ARHGEF3: variants seen among roughly 807,000 people sequenced by gnomAD.
The protein encoded by ARHGEF3 is 59.8 kDA protein.
ARHGEF3 carries 28 observed loss-of-function variants against 63.2 expected under a neutral mutation model. The observed-to-expected ratio is 0.44, with a 90% CI of 0.33 to 0.61. The LOEUF is 0.61. Ranked by LOEUF, ARHGEF3 falls within the 20% of genes least tolerant of loss-of-function variation. The pLI, the probability that ARHGEF3 is intolerant of heterozygous loss-of-function variation, is 0.03. For missense variants in ARHGEF3, 533 were observed against 659.3 expected (o/e 0.81, Z 2.10); for synonymous variants, 266 against 254.2 (o/e 1.05, Z -0.44).
chr3:56,808,523 G>A (rs970479321), intron 4 of ARHGEF3, among the ~76,000 whole-genome samples: 4 of 152,248 alleles, frequency 2.6e-5, no homozygotes, highest in Middle Eastern at 3.4e-3. Context: ...TCAGGAGGTC[G>A]AGGTTGCAGT....
intron 3 of ARHGEF3, among the ~76,000 whole-genome samples, chr3:56,906,153 G>A (rs138688006): frequency 1.1e-3 from 170 of 151,448 alleles, no homozygotes; most frequent in African/African-American, 3.7e-3. Context: ...GTGAGCAACC[G>A]CGCCCAGTCC....
At chr3:56,830,002 AG>A (rs1402138286) in intron 4 of ARHGEF3, among the ~76,000 whole-genome samples, 1 of 152,262 alleles carries the variant, frequency 6.6e-6, no homozygotes, top group Non-Finnish European at 1.5e-5. Flanking sequence ...ATGTCCTATA[AG>A]GAAAATACTA....
intron 7 of ARHGEF3, among the ~76,000 whole-genome samples, chr3:56,739,017 C>A (rs987657368): frequency 6.6e-6 from 1 of 152,070 alleles, no homozygotes; most frequent in South Asian, 2.1e-4. Context: ...ATCGCTTGAA[C>A]CTGGGAGGCA....
chr3:56,978,648 A>G (rs1201833415), intron 2 of ARHGEF3, among the ~76,000 whole-genome samples: 3 of 152,244 alleles, frequency 2.0e-5, no homozygotes, highest in African/African-American at 7.2e-5. Flanking sequence ...CTTCACAACT[A>G]TAAATGTATA....
chr3:56,746,850 T>C (rs968084207), intron 6 of ARHGEF3, among the ~76,000 whole-genome samples: 8 of 152,168 alleles, frequency 5.3e-5, no homozygotes, highest in African/African-American at 1.9e-4. Context: ...ACTGAAACCA[T>C]AAAAAGGATA....
chr3:57,043,004 A>G (rs1244958295), intron 1 of ARHGEF3, among the ~76,000 whole-genome samples: 1 of 142,984 alleles, frequency 7.0e-6, no homozygotes, highest in Non-Finnish European at 1.5e-5. Context: ...GCCCATAAAT[A>G]TATTTTTTAA....
chr3:57,048,407 T>C (rs1579165166), intron 1 of ARHGEF3, among the ~76,000 whole-genome samples: 1 of 152,160 alleles, frequency 6.6e-6, no homozygotes, highest in Admixed American at 6.5e-5. Context: ...AGACCTCTAT[T>C]ACCCAACAGA....
At chr3:57,018,450 T>G (rs1333799392) in intron 2 of ARHGEF3, among the ~76,000 whole-genome samples, 1 of 152,192 alleles carries the variant, frequency 6.6e-6, no homozygotes, top group African/African-American at 2.4e-5. Context: ...GGTCCTATAA[T>G]TAGCCTCATT....
chr3:57,063,886 G>A (rs899193336), intron 1 of ARHGEF3, among the ~76,000 whole-genome samples: 3 of 152,166 alleles, frequency 2.0e-5, no homozygotes, highest in Admixed American at 6.5e-5. Context: ...GACAAAAGGT[G>A]GAAGCAACTC....
chr3:57,003,392 A>T (rs1207934601), intron 2 of ARHGEF3, among the ~76,000 whole-genome samples: 1 of 106,894 alleles, frequency 9.4e-6, no homozygotes, highest in Non-Finnish European at 1.8e-5. Flanking sequence ...ACGAAGCGAG[A>T]CGCCGTCTCA....
chr3:56,991,146 C>T (rs1039070743), intron 2 of ARHGEF3, among the ~76,000 whole-genome samples: 5 of 152,198 alleles, frequency 3.3e-5, no homozygotes, highest in Admixed American at 1.3e-4. Flanking sequence ...CCCTCTCAGG[C>T]TGCTCACAGC....
intron 1 of ARHGEF3, among the ~76,000 whole-genome samples, chr3:57,064,381 C>G (rs866004692): frequency 6.6e-6 from 1 of 151,274 alleles, no homozygotes; most frequent in African/African-American, 2.4e-5. Context: ...TGGGATGCAG[C>G]GGCAAGATCA....
chr3:57,029,635 G>A (rs1703646266), intron 2 of ARHGEF3, among the ~76,000 whole-genome samples: 1 of 152,078 alleles, frequency 6.6e-6, no homozygotes, highest in South Asian at 2.1e-4. Flanking sequence ...CCATTTAACT[G>A]AGGTTAAGCC....
At chr3:57,070,678 G>T (rs999401776) in intron 1 of ARHGEF3, among the ~76,000 whole-genome samples, 1 of 152,122 alleles carries the variant, frequency 6.6e-6, no homozygotes, top group African/African-American at 2.4e-5. Context: ...AGAAGGTCAG[G>T]CTGGGCACAG....
chr3:57,074,005 G>A, intron 1 of ARHGEF3: 2 of 1,614,198 alleles, frequency 1.2e-6, no homozygotes, highest in Non-Finnish European at 8.5e-7. Flanking sequence ...CTTCTGGGAA[G>A]ACCCTCTTCA....
At chr3:56,741,153 A>G (rs1181867348) in intron 7 of ARHGEF3, among the ~76,000 whole-genome samples, 1 of 149,750 alleles carries the variant, frequency 6.7e-6, no homozygotes, top group Non-Finnish European at 1.5e-5. Context: ...CTACCTGAAT[A>G]TCATGAGAAT....
At chr3:56,744,696 G>A (rs191301856) in intron 7 of ARHGEF3, among the ~76,000 whole-genome samples, 1 of 151,890 alleles carries the variant, frequency 6.6e-6, no homozygotes, top group East Asian at 1.9e-4. Context: ...ATGAGCCATC[G>A]TGCCTGGCCC....
chr3:57,054,526 G>A (rs997476793), intron 1 of ARHGEF3, among the ~76,000 whole-genome samples: 10 of 151,196 alleles, frequency 6.6e-5, no homozygotes, highest in African/African-American at 9.7e-5. Context: ...TGGTACCAGC[G>A]ACTCGGGAGG....
chr3:56,760,386 C>T (rs1269619151), intron 2 of ARHGEF3, among the ~76,000 whole-genome samples: 1 of 152,016 alleles, frequency 6.6e-6, no homozygotes, highest in Admixed American at 6.6e-5. Flanking sequence ...AAAAATTTCC[C>T]AGAGAGTTGG....
Sources: allele counts gnomAD v4.1 joint callset (sites outside exome capture counted in the v4.1 genomes callset), GRCh38; gene constraint gnomAD v4.1.1; transcripts MANE v1.5; gene names NCBI Gene and HGNC (gene_info 2026-07-23, HGNC 2026-07-21).